Variants in CHSY3 observed in about 807,000 individuals in gnomAD.
CHSY3 encodes the protein chondroitin sulfate synthase 3.
In CHSY3, 35 loss-of-function variants were observed where a neutral mutation model predicts 67.2. The observed-to-expected ratio is 0.52, with a 90% confidence interval of 0.40 to 0.69. CHSY3 has a LOEUF of 0.69. CHSY3 is among the 30% of genes least tolerant of loss of function. The probability of loss-of-function intolerance (pLI) is 0.00; values close to 1 mark genes in which losing one functional copy is unlikely to be tolerated. For synonymous variants in CHSY3, 474 were observed against 434.7 expected (o/e 1.09, Z -1.12); for missense variants, 1,069 against 1,138.5 (o/e 0.94, Z 0.88).
At chr5:130,040,197 C>T (rs1764969261) in intron 2 of CHSY3, among the ~76,000 whole-genome samples, 2 of 152,034 alleles carry the variant, frequency 1.3e-5, no homozygotes, top group Admixed American at 1.3e-4. Flanking sequence ...TGAAATAAAA[C>T]TGATTTCAAA....
In CHSY3 at chr5:130,129,368, G is replaced by A. The variant is rs546555693; in HGVS notation, c.1087-54861G>A. Among the ~76,000 whole-genome samples the A allele has an allele frequency of 5.9e-5, 9 of 152,210 alleles. No individual in the cohort carries two copies. In the South Asian group the frequency reaches 1.7e-3, roughly 28 times the overall value. ...GTGCCAGAATCTCTACTCATGATATGCCACTAGTTGCACATATGTAAGGTG... is the reference window on the plus strand; with the variant it reads ...GTGCCAGAATCTCTACTCATGATATACCACTAGTTGCACATATGTAAGGTG... On this transcript the variant is annotated intron_variant, in intron 2 of 2. Transcript: ENST00000305031.
At chr5:130,128,211 TGTG>T (rs1282029109) in intron 2 of CHSY3, among the ~76,000 whole-genome samples, 1 of 144,348 alleles carries the variant, frequency 6.9e-6, no homozygotes, top group African/African-American at 2.7e-5. Context: ...GTAGCCAAGA[TGTG>T]GAAGAAGAAA....
In CHSY3 at chr5:130,133,919, A is replaced by G. The variant is rs562465016; in HGVS notation, c.1087-50310A>G. On this transcript the variant is annotated intron_variant, in intron 2 of 2. Transcript: ENST00000305031. The stretch of plus-strand genomic sequence containing the variant: ...ACTTTCCTCATGTTGCTTAACTCTA[A>G]TTTTTTATTTTCAGTTATTTCATAA... 1.4e-3 allele frequency among the ~76,000 whole-genome samples: 220 copies of G among 151,908 alleles called. 1 individual carries two copies. Among genetic ancestry groups the G allele is most frequent in the Admixed American group, 2.4e-3 (36 of 15,204 alleles).
intron 2 of CHSY3, among the ~76,000 whole-genome samples, chr5:130,173,845 A>G (rs1033342135): frequency 4.1e-5 from 6 of 145,888 alleles, no homozygotes; most frequent in African/African-American, 1.5e-4. Context: ...TTTTTTTTTT[A>G]TTTTACCATT....
intron 2 of CHSY3, among the ~76,000 whole-genome samples, chr5:130,074,038 A>G (rs991974151): frequency 5.9e-5 from 9 of 152,006 alleles, no homozygotes; most frequent in African/African-American, 2.2e-4. Flanking sequence ...AGATTTAACA[A>G]TTATCTTTCA....
At chr5:130,146,161 G>A (rs1195465451) in intron 2 of CHSY3, among the ~76,000 whole-genome samples, 3 of 152,092 alleles carry the variant, frequency 2.0e-5, no homozygotes, top group Non-Finnish European at 4.4e-5. Flanking sequence ...CATGTTTATT[G>A]TAGCACTATT....
chr5:129,912,841 C>A (rs563916867), intron 2 of CHSY3, among the ~76,000 whole-genome samples: 1 of 152,150 alleles, frequency 6.6e-6, no homozygotes, highest in East Asian at 1.9e-4. Context: ...AATTGAGATT[C>A]TCCCTTTCCC....
intron 2 of CHSY3, among the ~76,000 whole-genome samples, chr5:129,933,377 T>C (rs2149590028): frequency 6.6e-6 from 1 of 152,312 alleles, no homozygotes; most frequent in Non-Finnish European, 1.5e-5. Flanking sequence ...TTCATGTTTG[T>C]CCAACCCCTT....
At chr5:130,032,856 A>G (rs1764741575) in intron 2 of CHSY3, among the ~76,000 whole-genome samples, 1 of 152,160 alleles carries the variant, frequency 6.6e-6, no homozygotes, top group South Asian at 2.1e-4. Context: ...AGGAAGCCCA[A>G]TTAGTTGGGC....
At chr5:130,132,329 T>G (rs904384764) in intron 2 of CHSY3, among the ~76,000 whole-genome samples, 3 of 152,118 alleles carry the variant, frequency 2.0e-5, no homozygotes, top group African/African-American at 7.2e-5. Context: ...AAATACTAAG[T>G]GATTTATCAT....
intron 2 of CHSY3, among the ~76,000 whole-genome samples, chr5:130,063,822 C>A (rs1270331020): frequency 2.0e-5 from 3 of 152,078 alleles, no homozygotes; most frequent in Non-Finnish European, 4.4e-5. Context: ...CTGTGTGGAG[C>A]CTCTTTTATC....
intron 2 of CHSY3, chr5:130,002,172 G>C (rs1263571775): frequency 2.1e-6 from 1 of 483,780 alleles, no homozygotes; most frequent in Admixed American, 6.4e-5. Context: ...GTATGCCATA[G>C]GGCTCAGGAC....
At chr5:130,125,219 A>G (rs1768226844) in intron 2 of CHSY3, among the ~76,000 whole-genome samples, 1 of 152,198 alleles carries the variant, frequency 6.6e-6, no homozygotes, top group South Asian at 2.1e-4. Context: ...TGTTGTTATC[A>G]CTTAAGATTG....
chr5:129,905,798 C>G (rs1334779173), intron 1 of CHSY3, 167 bp downstream of exon 1: 12 of 1,363,804 alleles, frequency 8.8e-6, no homozygotes, highest in Non-Finnish European at 1.1e-5. Flanking sequence ...GCCCACAATT[C>G]GTAGCCCGTT....
At chr5:130,089,530 C>A (rs1194581287) in intron 2 of CHSY3, among the ~76,000 whole-genome samples, 1 of 151,986 alleles carries the variant, frequency 6.6e-6, no homozygotes, top group Non-Finnish European at 1.5e-5. Context: ...GCAAATGGTA[C>A]AAAATGTGTT....
intron 2 of CHSY3, among the ~76,000 whole-genome samples, chr5:130,138,718 A>AT (rs1554085472): frequency 4.6e-5 from 7 of 152,172 alleles, no homozygotes; most frequent in Non-Finnish European, 8.8e-5. Context: ...CCTTAATCTG[A>AT]TTTAGCAATC....
chr5:129,920,608 C>T (rs1335509640), intron 2 of CHSY3, among the ~76,000 whole-genome samples: 3 of 152,108 alleles, frequency 2.0e-5, no homozygotes, highest in Non-Finnish European at 2.9e-5. Flanking sequence ...ACCCAGTTAC[C>T]ATCAGTTGGA....
intron 2 of CHSY3, among the ~76,000 whole-genome samples, chr5:130,052,492 G>A (rs113065974): frequency 3.4e-4 from 52 of 152,194 alleles, no homozygotes; most frequent in African/African-American, 1.2e-3. Flanking sequence ...TTGGCCCCAT[G>A]GCACTGCTCA....
intron 2 of CHSY3, among the ~76,000 whole-genome samples, chr5:129,926,968 C>T (rs1761135957): frequency 6.6e-6 from 1 of 151,562 alleles, no homozygotes; most frequent in Non-Finnish European, 1.5e-5. Flanking sequence ...AACAGTATAC[C>T]ACAAATTGGT....
Sources: allele counts gnomAD v4.1 joint callset (sites outside exome capture counted in the v4.1 genomes callset), GRCh38; gene constraint gnomAD v4.1.1; transcripts MANE v1.5; gene names NCBI Gene and HGNC (gene_info 2026-07-23, HGNC 2026-07-21).